NEGR1: variants seen among roughly 807,000 people sequenced by gnomAD.
The protein encoded by NEGR1 is neuronal growth regulator 1, also known as IgLON family member 4.
A neutral mutation model predicts 40.9 loss-of-function variants in NEGR1; 10 were observed. The observed-to-expected ratio is 0.24, with a 90% CI of 0.15 to 0.42. The LOEUF (loss-of-function observed/expected upper bound fraction) is 0.42, where lower values mean the gene tolerates loss of function less well. NEGR1 is among the 10% of genes least tolerant of loss of function. NEGR1 has a pLI of 1.00. For synonymous variants in NEGR1, 185 were observed against 166.8 expected (o/e 1.11, Z -0.84); for missense variants, 352 against 438.9 (o/e 0.80, Z 1.77).
intron 1 of NEGR1, among the ~76,000 whole-genome samples, chr1:72,006,736 T>C (rs1646610246): frequency 1.3e-5 from 2 of 152,080 alleles, no homozygotes; most frequent in South Asian, 4.1e-4. Flanking sequence ...ACTGCTAATG[T>C]ATTCTCATGA....
At chr1:71,430,904 C>T (rs1017858078) in intron 6 of NEGR1, among the ~76,000 whole-genome samples, 3 of 151,906 alleles carry the variant, frequency 2.0e-5, no homozygotes, top group Admixed American at 2.0e-4. Flanking sequence ...GGACTACAGG[C>T]GCCCACCACC....
chr1:71,767,606 G>C (rs1279353883), intron 3 of NEGR1, among the ~76,000 whole-genome samples: 2 of 152,288 alleles, frequency 1.3e-5, no homozygotes, highest in East Asian at 3.9e-4. Context: ...CTATGTGGTA[G>C]GTAGAAAAGT....
At chr1:72,202,572 G>T (rs570142676) in intron 1 of NEGR1, among the ~76,000 whole-genome samples, 1 of 151,990 alleles carries the variant, frequency 6.6e-6, no homozygotes, top group Non-Finnish European at 1.5e-5. Flanking sequence ...TGGATATAAA[G>T]AGTGTTTTAG....
At chr1:72,242,470 C>T (rs776307136) in intron 1 of NEGR1, among the ~76,000 whole-genome samples, 1 of 151,450 alleles carries the variant, frequency 6.6e-6, no homozygotes, top group Admixed American at 6.6e-5. Context: ...TTATGCATAG[C>T]GACTCAATAA....
chr1:72,060,052 T>A (rs147585301), intron 1 of NEGR1, among the ~76,000 whole-genome samples: 1 of 151,778 alleles, frequency 6.6e-6, no homozygotes, highest in East Asian at 1.9e-4. Context: ...ACAAAGTAAT[T>A]GGCTGGAAAA....
At chr1:71,613,508 A>C (rs896982295) in intron 4 of NEGR1, among the ~76,000 whole-genome samples, 12 of 151,996 alleles carry the variant, frequency 7.9e-5, no homozygotes, top group Non-Finnish European at 1.5e-5. Context: ...TTAGCCAGGC[A>C]TAGTGGTGGG....
intron 6 of NEGR1, among the ~76,000 whole-genome samples, chr1:71,557,182 A>G (rs544254060): frequency 6.6e-6 from 1 of 151,752 alleles, no homozygotes; most frequent in South Asian, 2.1e-4. Flanking sequence ...GTTTTGGAAC[A>G]CAAATGCCTT....
chr1:71,422,367 T>C (rs1037238278), intron 6 of NEGR1: 2 of 152,238 alleles, frequency 1.3e-5, no homozygotes, highest in South Asian at 2.1e-4. Context: ...GAAAGCTGCA[T>C]TCAAATTTGT....
chr1:71,615,237 T>G (rs752433640), intron 4 of NEGR1, among the ~76,000 whole-genome samples: 10 of 152,184 alleles, frequency 6.6e-5, no homozygotes, highest in Non-Finnish European at 1.5e-4. Context: ...ATTTATTTAT[T>G]CTTTATTCCT....
At chr1:71,594,410 T>C (rs1649619613) in intron 5 of NEGR1, among the ~76,000 whole-genome samples, 1 of 152,212 alleles carries the variant, frequency 6.6e-6, no homozygotes, top group Non-Finnish European at 1.5e-5. Flanking sequence ...GGCTTGCACC[T>C]GAATTTAGAT....
chr1:71,887,052 T>A, intron 2 of NEGR1, among the ~76,000 whole-genome samples: 1 of 152,230 alleles, frequency 6.6e-6, no homozygotes, highest in East Asian at 1.9e-4. Context: ...AAAAAGCAGT[T>A]GATTTAAATG....
chr1:71,700,266 T>C (rs1188102169), intron 3 of NEGR1, among the ~76,000 whole-genome samples: 3 of 151,968 alleles, frequency 2.0e-5, no homozygotes, highest in South Asian at 2.1e-4. Context: ...TTATGATAGT[T>C]AAAGAGATTA....
intron 6 of NEGR1, among the ~76,000 whole-genome samples, chr1:71,580,196 C>T (rs1389058895): frequency 2.0e-5 from 3 of 151,702 alleles, no homozygotes; most frequent in Non-Finnish European, 4.4e-5. Flanking sequence ...TCTCAGTAAA[C>T]TATCCCAAGA....
At chr1:72,034,266 C>T (rs1646883852) in intron 1 of NEGR1, among the ~76,000 whole-genome samples, 2 of 152,194 alleles carry the variant, frequency 1.3e-5, no homozygotes, top group Admixed American at 6.5e-5. Flanking sequence ...CCCTGTAGTA[C>T]TGTTTTATTT....
intron 1 of NEGR1, among the ~76,000 whole-genome samples, chr1:72,004,448 A>G (rs1030862938): frequency 3.3e-5 from 5 of 152,096 alleles, no homozygotes; most frequent in Non-Finnish European, 5.9e-5. Flanking sequence ...GGCATGCGCC[A>G]CCACTCGCAG....
intron 6 of NEGR1, among the ~76,000 whole-genome samples, chr1:71,475,548 A>G (rs1439680144): frequency 6.6e-6 from 1 of 152,024 alleles, no homozygotes; most frequent in African/African-American, 2.4e-5. Flanking sequence ...TTTCCCATTT[A>G]AAATTTGGTC....
intron 2 of NEGR1, among the ~76,000 whole-genome samples, chr1:71,881,518 G>A (rs962297931): frequency 3.3e-5 from 5 of 151,918 alleles, no homozygotes; most frequent in Admixed American, 3.3e-4. Flanking sequence ...ATCTGTTATT[G>A]TGCCTATTTT....
At chr1:71,773,297 A>T (rs1570326842) in intron 3 of NEGR1, among the ~76,000 whole-genome samples, 1 of 152,192 alleles carries the variant, frequency 6.6e-6, no homozygotes, top group East Asian at 1.9e-4. Context: ...AAAACTAGCC[A>T]TTACTTCTCG....
At chr1:71,842,844 A>C (rs1659288673) in intron 2 of NEGR1, among the ~76,000 whole-genome samples, 1 of 152,140 alleles carries the variant, frequency 6.6e-6, no homozygotes, top group Non-Finnish European at 1.5e-5. Context: ...GGAGTCTATA[A>C]ACATCTTTTG....
Sources: gnomAD v4.1 joint callset for allele counts (sites outside exome capture counted in the v4.1 genomes callset) on GRCh38, gnomAD v4.1.1 for gene constraint, MANE v1.5 for transcripts, NCBI Gene and HGNC (gene_info 2026-07-23, HGNC 2026-07-21) for gene names.